The following HOXB6 variants were observed in gnomAD, a reference collection of about 807,000 sequenced individuals.
HOXB6 encodes homeobox protein Hox-B6.
HOXB6 carries 18 observed loss-of-function variants against 24.2 expected under a neutral mutation model. The ratio of observed to expected loss-of-function variants is 0.74; its 90% CI spans 0.51 to 1.10. The LOEUF is 1.10. Ranked by LOEUF, HOXB6 falls within the 50% of genes least tolerant of loss-of-function variation. HOXB6 has a pLI of 0.00. For synonymous variants in HOXB6, 159 were observed against 139.1 expected (o/e 1.14, Z -1.01); for missense variants, 332 against 308.3 (o/e 1.08, Z -0.58).
At position 48,596,206 on chromosome 17, in the gene HOXB6, G is replaced by A; in HGVS notation, c.*207C>T. On this transcript the variant is annotated 3_prime_UTR_variant, in exon 4 of 4. Transcript: ENST00000225648. This position sits in a 1 kb window ranked among gnomAD's most constrained non-coding sequence, Gnocchi z 4.8. ...GGGAAGGAAGGGCGCGCGGGATGCT[G>A]GGTGGGCTCGAGTAGTGAGGCCTCA... 1 of 750,668 alleles carries A rather than the reference G, an allele frequency of 1.3e-6. No homozygotes were observed. The highest frequency in any genetic ancestry group is 2.3e-6 in the Non-Finnish European group (1 of 426,276). The allele number at this position is 750,668 out of a possible 1,614,324, so 46.5% of individuals were successfully genotyped here.
chr17:48,597,075 A>ACGGCTCCTCACTTTCGAGTC, intron 3 of HOXB6: 3 of 1,101,696 alleles, frequency 2.7e-6, no homozygotes, highest in Non-Finnish European at 3.3e-6. Flanking sequence ...GTCCACATTA[A>ACGGCTCCTCACTTTCGAGTC]CGGCTCCTCA....
chr17:48,602,083 C>A (rs1270890395), intron 2 of HOXB6: 2 of 455,892 alleles, frequency 4.4e-6, no homozygotes, highest in Non-Finnish European at 8.8e-6. Flanking sequence ...AGGTAGACTT[C>A]GCTTGAAAAG....
chr17:48,596,189 A>C lies in HOXB6; in HGVS notation c.*224T>G. On this transcript the variant is annotated 3_prime_UTR_variant, in exon 4 of 4. Transcript: ENST00000225648. The surrounding 1 kb of genome is among the most constrained non-coding windows in gnomAD (Gnocchi z 4.8). ...GCTGAGGCGAGTTCCTCGGGAAGGA[A>C]GGGCGCGCGGGATGCTGGGTGGGCT... The C allele has an allele frequency of 1.4e-6, 1 of 710,730 alleles. No homozygotes were observed. 44.0% of individuals were successfully genotyped at this position (710,730 alleles called of 1,614,324 possible).
intron 2 of HOXB6, chr17:48,601,985 G>T (rs2070477319): frequency 2.4e-6 from 1 of 409,624 alleles, no homozygotes; most frequent in Admixed American, 2.6e-5. Flanking sequence ...CCGGTGTGGA[G>T]GGTCCAACAG....
intron 3 of HOXB6, 69 bp downstream of exon 3, chr17:48,597,667 C>A: frequency 6.6e-7 from 1 of 1,519,548 alleles, no homozygotes; most frequent in South Asian, 1.2e-5. Flanking sequence ...AGGGGGCGCT[C>A]ACTAGTTCTG....
At position 48,598,096 on chromosome 17, in the gene HOXB6, C is replaced by T. The variant is rs1486216767; in HGVS notation, c.55G>A (p.Glu19Lys). 3 of 1,602,172 alleles carry T rather than the reference C, an allele frequency of 1.9e-6. No homozygotes were observed. Among genetic ancestry groups the T allele is most frequent in the Non-Finnish European group, 2.6e-6 (3 of 1,172,514 alleles). Residue 19 changes from glutamate (E) to lysine (K), a missense_variant, in exon 3 of 4, where the codon GAG becomes AAG. Coordinates refer to ENST00000225648, the MANE Select transcript of HOXB6 (RefSeq NM_018952.5). ...AGCGGTAGCTGGCCCAGGAAGGACT[C>T]CTGCCCGCTGGCCAGAGTGACGGGG... ...TFPVTLASGQ[E>K]SFLGQLPLYS...
chr17:48,596,614 C>T lies in HOXB6; in HGVS notation c.474G>A (p.Thr158=). The T allele has an allele frequency of 6.2e-7, 1 of 1,614,184 alleles. No individual in the cohort carries two copies. The highest frequency in any genetic ancestry group is 1.1e-5 in the South Asian group (1 of 91,090). Residue 158 remains threonine, a synonymous_variant, in exon 4 of 4, where the codon ACG becomes ACA. Coordinates refer to ENST00000225648, the MANE Select transcript of HOXB6 (RefSeq NM_018952.5). The surrounding 1 kb of genome is among the most constrained non-coding windows in gnomAD (Gnocchi z 4.8). ...AGTGAAACTCCTTCTCCAGCTCCAG[C>T]GTCTGGTAACGTGTGTATGTCTGGC... ...RGRQTYTRYQ[T]LELEKEFHYN...
chr17:48,596,787 G>A lies in HOXB6; in HGVS notation c.416-115C>T, dbSNP rs2070310823. ...GTACCGGGATGCCCTCTATTCTGCC[G>A]GCTCCCTTCCCCCGTTTCGCACTCC... On this transcript the variant is annotated intron_variant, in intron 3 of 3. Coordinates refer to ENST00000225648, the MANE Select transcript of HOXB6 (RefSeq NM_018952.5). The surrounding 1 kb of genome is among the most constrained non-coding windows in gnomAD (Gnocchi z 4.8). 3.4e-6 allele frequency: 5 copies of A among 1,492,024 alleles called. No individual in the cohort carries two copies. Among genetic ancestry groups the A allele is most frequent in the Non-Finnish European group, 4.6e-6 (5 of 1,098,322 alleles). 92.4% of individuals were successfully genotyped at this position (1,492,024 alleles called of 1,614,324 possible). A position where few individuals can be genotyped will look rare whatever the true frequency, so the allele number is the denominator to read the frequency against.
At chr17:48,604,669 G>C (rs2070542087) in intron 1 of HOXB6, 54 bp from the exon 2 acceptor site, 1 of 152,392 alleles carries the variant, frequency 6.6e-6, no homozygotes. Flanking sequence ...AATGGAGTAA[G>C]TTCTGGCTTT....
intron 3 of HOXB6, 72 bp downstream of exon 3, chr17:48,597,664 G>A: frequency 6.7e-7 from 1 of 1,494,036 alleles, no homozygotes; most frequent in Non-Finnish European, 9.2e-7. Context: ...GGCAGGGGGC[G>A]CTCACTAGTT....
Position 48,595,804 on chromosome 17 carries a change from T to TATTATCATC in HOXB6, c.*608_*609insGATGATAAT, listed in dbSNP as rs139172289. 1 of 190,232 alleles carries TATTATCATC rather than the reference T, an allele frequency of 5.3e-6. No individual in the cohort carries two copies. Among genetic ancestry groups the TATTATCATC allele is most frequent in the African/African-American group, 2.4e-5 (1 of 41,536 alleles). 11.8% of individuals were successfully genotyped at this position (190,232 alleles called of 1,614,324 possible). A position where few individuals can be genotyped will look rare whatever the true frequency, so the allele number is the denominator to read the frequency against. ...TTGTTGTTGTTATTATTATTATTATTATCATCATCATCATCATCATCATCA... is the reference window on the plus strand; with the variant it reads ...TTGTTGTTGTTATTATTATTATTATTATTATCATCATCATCATCATCATCATCATCATCA... On this transcript the variant is annotated 3_prime_UTR_variant, in exon 4 of 4. Coordinates refer to ENST00000225648, the MANE Select transcript of HOXB6 (RefSeq NM_018952.5).
At chr17:48,600,695 G>A (rs1046016661) in intron 2 of HOXB6, 3 of 370,560 alleles carry the variant, frequency 8.1e-6, no homozygotes, top group African/African-American at 4.2e-5. Context: ...CTCCTTGGGG[G>A]AATATGTAAA....
At chr17:48,603,564 T>C (rs532611709) in intron 2 of HOXB6, among the ~76,000 whole-genome samples, 43 of 152,214 alleles carry the variant, frequency 2.8e-4, no homozygotes, top group Non-Finnish European at 5.4e-4. Flanking sequence ...TTCTTCACAA[T>C]CACCATGTCT....
Position 48,596,060 on chromosome 17 carries a change from G to A in HOXB6, c.*353C>T. The A allele has an allele frequency of 2.0e-6, 1 of 492,680 alleles. No homozygotes were observed. Among genetic ancestry groups the A allele is most frequent in the Non-Finnish European group, 4.0e-6 (1 of 251,268 alleles). 30.5% of individuals were successfully genotyped at this position (492,680 alleles called of 1,614,324 possible). Reference sequence around the variant, plus strand: ...ATCTACCATTGAACCGTGCACGGGGGACATGGACAAAATGAGACGCGACAG... The same window carrying A: ...ATCTACCATTGAACCGTGCACGGGGAACATGGACAAAATGAGACGCGACAG... On this transcript the variant is annotated 3_prime_UTR_variant, in exon 4 of 4. Coordinates refer to ENST00000225648, the MANE Select transcript of HOXB6 (RefSeq NM_018952.5). This position sits in a 1 kb window ranked among gnomAD's most constrained non-coding sequence, Gnocchi z 4.8.
Position 48,600,639 on chromosome 17 carries a change from A to T in HOXB6, c.-78-2411T>A, listed in dbSNP as rs1362770766. On this transcript the variant is annotated intron_variant, in intron 2 of 3. Coordinates refer to ENST00000225648, the MANE Select transcript of HOXB6 (RefSeq NM_018952.5). ...GAGACCGACTCCTTTCTGGAGCCAGATCCCTACGAATCTGTCTGTGGTTCG... is the reference window on the plus strand; with the variant it reads ...GAGACCGACTCCTTTCTGGAGCCAGTTCCCTACGAATCTGTCTGTGGTTCG... 7.1e-6 allele frequency: 3 copies of T among 423,790 alleles called. No individual in the cohort carries two copies. The Admixed American group carries it at 7.7e-5, about 11-fold the overall frequency. 26.3% of individuals were successfully genotyped at this position (423,790 alleles called of 1,614,324 possible).
intron 2 of HOXB6, among the ~76,000 whole-genome samples, chr17:48,598,985 G>A (rs1192813981): frequency 6.6e-6 from 1 of 152,156 alleles, no homozygotes; most frequent in Non-Finnish European, 1.5e-5. Flanking sequence ...TGACTCTGTG[G>A]CTAGACTAGG....
Position 48,596,756 on chromosome 17 carries a change from C to G in HOXB6, c.416-84G>C. 2 of 1,577,146 alleles carry G rather than the reference C, an allele frequency of 1.3e-6. No individual in the cohort carries two copies. The highest frequency in any genetic ancestry group is 3.4e-5 in the Admixed American group (2 of 58,214). On this transcript the variant is annotated intron_variant, in intron 3 of 3. Transcript: ENST00000225648. The surrounding 1 kb of genome is among the most constrained non-coding windows in gnomAD (Gnocchi z 4.8). ...CTAGTCGACCCTCGAACACAGACTC[C>G]AGCCAGTACCGGGATGCCCTCTATT... is the stretch of plus-strand genomic sequence containing the variant.
At chr17:48,597,705 CG>C in intron 3 of HOXB6, 30 bp downstream of exon 3, 1 of 1,607,202 alleles carries the variant, frequency 6.2e-7, no homozygotes, top group Non-Finnish European at 8.5e-7. Context: ...CCAGGGGAGC[CG>C]GGGCGACGGC....
At chr17:48,600,991 CGTGT>C (rs58180060) in intron 2 of HOXB6, among the ~76,000 whole-genome samples, 230 of 145,762 alleles carry the variant, frequency 1.6e-3, no homozygotes, top group African/African-American at 5.0e-3. Context: ...GGGATATTTG[CGTGT>C]GTGTGTGTGT....
Sources: allele counts gnomAD v4.1 joint callset (sites outside exome capture counted in the v4.1 genomes callset), GRCh38; gene constraint gnomAD v4.1.1; non-coding constraint Gnocchi (gnomAD v3.1); transcripts MANE v1.5; gene names NCBI Gene and HGNC (gene_info 2026-07-23, HGNC 2026-07-21).